Variants in SLC25A48 observed in about 807,000 individuals in gnomAD.
SLC25A48 encodes solute carrier family 25 member 48, also known as CTC-321K16.1.
In SLC25A48, 29 loss-of-function variants were observed where a neutral mutation model predicts 32.2. The ratio of observed to expected loss-of-function variants is 0.90; its 90% CI spans 0.67 to 1.23. The LOEUF (loss-of-function observed/expected upper bound fraction) is 1.23. SLC25A48 is among the 50% of genes most tolerant of loss of function. The probability of loss-of-function intolerance (pLI) is 0.00; values close to 1 mark genes in which losing one functional copy is unlikely to be tolerated. For missense variants in SLC25A48, 399 were observed against 422.7 expected, an observed-to-expected ratio of 0.94 and a Z score of 0.49; for synonymous variants, 164 against 172.3, an observed-to-expected ratio of 0.95 and a Z score of 0.38.
intron 3 of SLC25A48, among the ~76,000 whole-genome samples, chr5:135,667,320 T>C (rs866059983): frequency 1.9e-4 from 29 of 152,188 alleles, no homozygotes; most frequent in African/African-American, 6.5e-4. Context: ...AAGGATTGCC[T>C]GCGTGTCCTG....
At chr5:135,614,872 G>A (rs1053337481) in intron 1 of SLC25A48, among the ~76,000 whole-genome samples, 10 of 152,126 alleles carry the variant, frequency 6.6e-5, no homozygotes, top group Non-Finnish European at 1.5e-4. Flanking sequence ...TTCTGTTCTC[G>A]TGATAGTGAG....
chr5:135,602,220 A>G (rs1751813282), intron 1 of SLC25A48, among the ~76,000 whole-genome samples: 1 of 152,226 alleles, frequency 6.6e-6, no homozygotes, highest in South Asian at 2.1e-4. Flanking sequence ...TGCTAAAGGA[A>G]TTGAGAACAC....
intron 1 of SLC25A48, among the ~76,000 whole-genome samples, chr5:135,588,102 G>A (rs1003797518): frequency 1.3e-5 from 2 of 152,256 alleles, no homozygotes; most frequent in Admixed American, 1.3e-4. Flanking sequence ...TGACGGTCCA[G>A]TGTCCAAGGA....
chr5:135,687,089 A>G (rs895220223), intron 3 of SLC25A48, among the ~76,000 whole-genome samples: 1 of 152,072 alleles, frequency 6.6e-6, no homozygotes, highest in Non-Finnish European at 1.5e-5. Flanking sequence ...ATGCCCAAAG[A>G]TCATGAAGTT....
chr5:135,774,407 A>G (rs920795021), intron 3 of SLC25A48, among the ~76,000 whole-genome samples: 3 of 151,776 alleles, frequency 2.0e-5, no homozygotes, highest in African/African-American at 7.3e-5. Context: ...AGAGGATGCT[A>G]TTACTCCCAA....
rs1236197699 is a variant in SLC25A48, at chr5:135,634,424, T to C, written c.-708-345T>C. ...CTAATGGCCAATCATCATGGGGCCA[T>C]GGGACTCCTAAGATATGTCCAGCTT... On this transcript the variant is annotated intron_variant, in intron 2 of 10. Transcript: ENST00000646290. 5.3e-5 allele frequency among the ~76,000 whole-genome samples: 8 copies of C among 152,214 alleles called. No individual in the cohort carries two copies. The South Asian group carries it at 1.4e-3, about 28-fold the overall frequency.
At chr5:135,634,030 C>A (rs960331972) in intron 2 of SLC25A48, among the ~76,000 whole-genome samples, 1 of 152,152 alleles carries the variant, frequency 6.6e-6, no homozygotes, top group African/African-American at 2.4e-5. Flanking sequence ...TGGGCAAGGC[C>A]GAGTGCATTC....
chr5:135,861,509 G>A (rs990163604), intron 4 of SLC25A48, among the ~76,000 whole-genome samples: 1 of 152,194 alleles, frequency 6.6e-6, no homozygotes, highest in African/African-American at 2.4e-5. Context: ...CTACTTTATA[G>A]CTGGGATGCA....
chr5:135,847,959 C>T (rs1428583644), intron 2 of SLC25A48, among the ~76,000 whole-genome samples: 3 of 152,162 alleles, frequency 2.0e-5, no homozygotes, highest in Non-Finnish European at 4.4e-5. Flanking sequence ...TAAGATGGGA[C>T]CAGTATCCGT....
intron 1 of SLC25A48, among the ~76,000 whole-genome samples, chr5:135,618,121 G>A (rs950559437): frequency 6.6e-6 from 1 of 150,934 alleles, no homozygotes; most frequent in Non-Finnish European, 1.5e-5. Context: ...TATATATTTA[G>A]AATTGCTATA....
intron 1 of SLC25A48, among the ~76,000 whole-genome samples, chr5:135,585,983 G>A (rs1204992221): frequency 6.6e-6 from 1 of 152,132 alleles, no homozygotes; most frequent in Non-Finnish European, 1.5e-5. Flanking sequence ...CTTATAGAAT[G>A]CTTACTATGT....
intron 3 of SLC25A48, among the ~76,000 whole-genome samples, chr5:135,646,339 A>G (rs1249390396): frequency 6.6e-6 from 1 of 152,048 alleles, no homozygotes; most frequent in Non-Finnish European, 1.5e-5. Flanking sequence ...ATTTTTATTT[A>G]GACTTGGATT....
At chr5:135,862,118 G>C (rs927742677) in intron 4 of SLC25A48, among the ~76,000 whole-genome samples, 1 of 152,132 alleles carries the variant, frequency 6.6e-6, no homozygotes, top group African/African-American at 2.4e-5. Flanking sequence ...TAGGTGGCCT[G>C]TTGGGCATAA....
intron 3 of SLC25A48, among the ~76,000 whole-genome samples, chr5:135,695,807 T>C (rs1754253364): frequency 6.6e-6 from 1 of 152,196 alleles, no homozygotes. Flanking sequence ...ATATGGGCCC[T>C]TGGGTTCAGA....
chr5:135,886,588 AATATATATATATATATATATATATATAT>A (rs147005349), intron 7 of SLC25A48, among the ~76,000 whole-genome samples: 3 of 35,446 alleles, frequency 8.5e-5, no homozygotes, highest in African/African-American at 3.5e-4. Context: ...TATTTAACCA[AATATATATATATATATATATATATATAT>A]ATATATATAT....
chr5:135,888,167 C>A lies in SLC25A48; in HGVS notation c.*143C>A, dbSNP rs1166419404. 1 of 1,373,210 alleles carries A rather than the reference C, an allele frequency of 7.3e-7. No homozygotes were observed. Among genetic ancestry groups the A allele is most frequent in the Admixed American group, 2.0e-5 (1 of 49,280 alleles). 85.1% of individuals were successfully genotyped at this position (1,373,210 alleles called of 1,614,324 possible). ...AGCGTGGGCTAGGATGGTGCAGACA[C>A]TGACGTGGCCCTTCTGATGCCTGGG... On this transcript the variant is annotated 3_prime_UTR_variant, in exon 8 of 8. Coordinates refer to ENST00000681962, the MANE Select transcript of SLC25A48 (RefSeq NM_001349336.2).
chr5:135,796,601 A>G (rs992644942), intron 3 of SLC25A48, among the ~76,000 whole-genome samples: 2 of 148,002 alleles, frequency 1.4e-5, no homozygotes, highest in Non-Finnish European at 3.0e-5. Context: ...TACTCCCCAT[A>G]TTGCAAGAAG....
chr5:135,705,221 C>T (rs1239157316), intron 3 of SLC25A48, among the ~76,000 whole-genome samples: 1 of 106,518 alleles, frequency 9.4e-6, no homozygotes, highest in Non-Finnish European at 2.1e-5. Flanking sequence ...GATTGACTCA[C>T]AGAGAGCAGT....
At chr5:135,582,019 T>G (rs1341861925) in intron 1 of SLC25A48, among the ~76,000 whole-genome samples, 3 of 152,104 alleles carry the variant, frequency 2.0e-5, no homozygotes. Context: ...TGGGGTACAG[T>G]GAAGGACAGC....
Sources: allele counts gnomAD v4.1 joint callset (sites outside exome capture counted in the v4.1 genomes callset), GRCh38; gene constraint gnomAD v4.1.1; transcripts MANE v1.5; gene names NCBI Gene and HGNC (gene_info 2026-07-23, HGNC 2026-07-21).